NAV2: variants seen among roughly 807,000 people sequenced by gnomAD.
NAV2 encodes the protein helicase, APC down-regulated 1.
NAV2 carries 54 observed loss-of-function variants against 223.2 expected under a neutral mutation model. That is an observed-to-expected ratio of 0.24 (90% CI 0.19 to 0.30). The LOEUF is 0.30. Ranked by LOEUF, NAV2 falls within the 10% of genes least tolerant of loss-of-function variation. NAV2 has a pLI of 1.00. For synonymous variants in NAV2, 1,279 were observed against 1,239.3 expected (o/e 1.03, Z -0.67); for missense variants, 2,806 against 3,147.5 (o/e 0.89, Z 2.60).
intron 1 of NAV2, chr11:19,778,271 C>T (rs1447012448): frequency 2.3e-6 from 1 of 439,958 alleles, no homozygotes; most frequent in Non-Finnish European, 4.5e-6. Context: ...ACCATAATTC[C>T]CCCATTAAAG....
At chr11:19,558,868 G>A (rs1384277135) in intron 1 of NAV2, among the ~76,000 whole-genome samples, 3 of 152,216 alleles carry the variant, frequency 2.0e-5, no homozygotes, top group South Asian at 2.1e-4. Context: ...TGCCATACAG[G>A]GCCATTCTCA....
At position 19,651,144 on chromosome 11, in the gene NAV2, G is replaced by A. The variant is rs374204645; in HGVS notation, c.76-181340G>A. Among the ~76,000 whole-genome samples the A allele has an allele frequency of 2.6e-5, 4 of 152,104 alleles. No individual in the cohort carries two copies. In the South Asian group the frequency reaches 8.3e-4, roughly 32 times the overall value. On this transcript the variant is annotated intron_variant, in intron 1 of 37. Transcript: ENST00000360655. ...AGTCTCCGTTCAAGGTAGCTCTTGG[G>A]AGAAGAAAAAAAACACCCCACTAGG...
intron 22 of NAV2, among the ~76,000 whole-genome samples, chr11:20,070,358 T>C (rs2059322028): frequency 6.6e-6 from 1 of 152,286 alleles, no homozygotes; most frequent in Non-Finnish European, 1.5e-5. Context: ...CAGATGCCAA[T>C]TGTTGCCTTT....
At chr11:19,533,842 G>A (rs2134451643) in intron 1 of NAV2, among the ~76,000 whole-genome samples, 1 of 143,778 alleles carries the variant, frequency 7.0e-6, no homozygotes, top group Middle Eastern at 3.5e-3. Flanking sequence ...AAGTAGCTGG[G>A]ACTACAGGCG....
At position 20,027,499 on chromosome 11, in the gene NAV2, G is replaced by A. The variant is rs559775261; in HGVS notation, c.2769-8460G>A. On this transcript the variant is annotated intron_variant, in intron 11 of 37. Transcript: ENST00000349880. ...CCTGGATGCAGCTGGTCACAGCTGC[G>A]CAGTGTGAGCTTAGTCACCTGGAAA... 140 of 965,418 alleles carry A rather than the reference G, an allele frequency of 1.5e-4. 1 individual carries two copies. The African/African-American group carries it at 1.7e-3, about 12-fold the overall frequency. The allele number at this position is 965,418 out of a possible 1,614,324, so 59.8% of individuals were successfully genotyped here.
rs137858015 is a variant in NAV2, at chr11:19,955,502, C to T, written c.2645+6422C>T. Among the ~76,000 whole-genome samples the T allele has an allele frequency of 2.7e-4, 41 of 152,320 alleles. 1 individual carries two copies. The East Asian group carries it at 5.2e-3, about 19-fold the overall frequency. On this transcript the variant is annotated intron_variant, in intron 10 of 37. Transcript: ENST00000349880. ...ATTGTAGCACCATTGAGTTTGAGGA[C>T]GTAGCCACATGTCTTTCTTCTTCTG...
At chr11:19,620,113 A>G (rs550245569) in intron 1 of NAV2, among the ~76,000 whole-genome samples, 2,144 of 152,060 alleles carry the variant, frequency 0.014, 39 homozygotes, top group African/African-American at 0.047. Flanking sequence ...TGTTCCATTG[A>G]TCTATATCTC....
At chr11:20,022,924 G>A in intron 11 of NAV2, 1 of 1,353,560 alleles carries the variant, frequency 7.4e-7, no homozygotes. Context: ...TGGGGGATCG[G>A]ATTTCTTTCC....
At chr11:19,734,088 G>A (rs778209961) in intron 1 of NAV2, among the ~76,000 whole-genome samples, 2 of 152,106 alleles carry the variant, frequency 1.3e-5, no homozygotes, top group African/African-American at 2.4e-5. Context: ...GCAGATGTAA[G>A]AGCCATTGAA....
chr11:19,863,817 G>A (rs777862789), intron 3 of NAV2, among the ~76,000 whole-genome samples: 15 of 152,206 alleles, frequency 9.9e-5, no homozygotes, highest in Non-Finnish European at 1.6e-4. Context: ...CAAGGTTGGG[G>A]ATTATGTCTG....
chr11:20,086,414 C>T (rs1179977999), intron 26 of NAV2, among the ~76,000 whole-genome samples: 1 of 152,182 alleles, frequency 6.6e-6, no homozygotes, highest in Non-Finnish European at 1.5e-5. Context: ...CTCAATGTGA[C>T]TTAATGAATA....
At chr11:20,114,479 C>T in intron 36 of NAV2, 113 bp from the exon 37 acceptor site, 2 of 892,278 alleles carry the variant, frequency 2.2e-6, no homozygotes, top group South Asian at 3.2e-5. Flanking sequence ...GGAATTACTC[C>T]ATCAGGGAAG....
intron 1 of NAV2, among the ~76,000 whole-genome samples, chr11:19,602,511 T>A (rs568760947): frequency 6.6e-6 from 1 of 152,228 alleles, no homozygotes; most frequent in East Asian, 1.9e-4. Flanking sequence ...AGTATATTAG[T>A]TTCCTGGGGC....
intron 1 of NAV2, among the ~76,000 whole-genome samples, chr11:19,427,457 G>A (rs1170609138): frequency 6.6e-6 from 1 of 152,180 alleles, no homozygotes; most frequent in Non-Finnish European, 1.5e-5. Flanking sequence ...TTATAGGAGG[G>A]CAGCATGTTA....
chr11:20,052,394 G>A (rs561436847), intron 17 of NAV2, among the ~76,000 whole-genome samples: 3 of 152,340 alleles, frequency 2.0e-5, no homozygotes, highest in East Asian at 3.9e-4. Flanking sequence ...GTTGAGCAGT[G>A]TGGCCTTAGA....
chr11:19,874,868 A>C (rs930408322), intron 4 of NAV2, among the ~76,000 whole-genome samples: 6 of 152,250 alleles, frequency 3.9e-5, no homozygotes, highest in African/African-American at 9.6e-5. Context: ...AAAAGAAGCC[A>C]GTTGCAGACT....
intron 3 of NAV2, among the ~76,000 whole-genome samples, chr11:19,845,480 G>A (rs1040566094): frequency 3.9e-5 from 6 of 152,230 alleles, no homozygotes; most frequent in East Asian, 3.9e-4. Flanking sequence ...GAGTTAATGC[G>A]GTCACTCCCT....
chr11:19,617,893 C>CAG (rs1370460425), intron 1 of NAV2, among the ~76,000 whole-genome samples: 4 of 152,176 alleles, frequency 2.6e-5, no homozygotes, highest in Non-Finnish European at 5.9e-5. Flanking sequence ...ACTTCAGGGC[C>CAG]TTTGCACTTG....
chr11:19,454,637 T>A (rs1018401007), intron 1 of NAV2, among the ~76,000 whole-genome samples: 1 of 152,160 alleles, frequency 6.6e-6, no homozygotes, highest in Admixed American at 6.5e-5. Flanking sequence ...GACCCAGTCC[T>A]TCTGTCATGG....
Sources: allele counts gnomAD v4.1 joint callset (sites outside exome capture counted in the v4.1 genomes callset), GRCh38; gene constraint gnomAD v4.1.1; transcripts MANE v1.5; gene names NCBI Gene and HGNC (gene_info 2026-07-23, HGNC 2026-07-21).